The following HOMER2 variants were observed in gnomAD, a reference collection of about 807,000 sequenced individuals.
The protein encoded by HOMER2 is homer scaffold protein 2.
A neutral mutation model predicts 47.0 loss-of-function variants in HOMER2; 27 were observed. That is an observed-to-expected ratio of 0.57 (90% CI 0.42 to 0.79). HOMER2 has a LOEUF of 0.79. Ranked by LOEUF, HOMER2 falls within the 30% of genes least tolerant of loss-of-function variation. The pLI is 0.00. For synonymous variants in HOMER2, 161 were observed against 163.8 expected (o/e 0.98, Z 0.13); for missense variants, 443 against 435.0 (o/e 1.02, Z -0.16).
intron 1 of HOMER2, among the ~76,000 whole-genome samples, chr15:82,897,478 A>G (rs892527992): frequency 1.3e-5 from 2 of 151,728 alleles, no homozygotes; most frequent in Admixed American, 6.6e-5. Context: ...ACTCCTGGTG[A>G]CCCCCACCTC....
At chr15:82,932,241 T>G (rs550234054) in intron 1 of HOMER2, among the ~76,000 whole-genome samples, 1 of 152,282 alleles carries the variant, frequency 6.6e-6, no homozygotes, top group African/African-American at 2.4e-5. Context: ...ACGCCTGTAA[T>G]CCCAGCACTT....
chr15:82,959,869 G>A (rs1006247049), intron 1 of HOMER2, among the ~76,000 whole-genome samples: 12 of 152,310 alleles, frequency 7.9e-5, no homozygotes, highest in African/African-American at 1.9e-4. Flanking sequence ...GGAGAAGAAC[G>A]AAGAAATCCA....
At chr15:82,864,331 T>A in intron 3 of HOMER2, 72 bp from the exon 4 acceptor site, 1 of 996,134 alleles carries the variant, frequency 1.0e-6, no homozygotes, top group Non-Finnish European at 1.5e-6. Flanking sequence ...CCCACCTTTA[T>A]TTATTTTGCA....
chr15:82,855,006 T>C (rs2051527133), intron 5 of HOMER2, among the ~76,000 whole-genome samples: 1 of 152,206 alleles, frequency 6.6e-6, no homozygotes, highest in Non-Finnish European at 1.5e-5. Context: ...CATGTCATCC[T>C]GTGGTCTATC....
At chr15:82,873,000 A>T (rs2052227604) in intron 3 of HOMER2, among the ~76,000 whole-genome samples, 1 of 152,180 alleles carries the variant, frequency 6.6e-6, no homozygotes, top group South Asian at 2.1e-4. Flanking sequence ...AGGTGGCAGG[A>T]GGGGCTGTTC....
intron 1 of HOMER2, among the ~76,000 whole-genome samples, chr15:82,932,826 C>T (rs2054046045): frequency 6.6e-6 from 1 of 152,170 alleles, no homozygotes; most frequent in African/African-American, 2.4e-5. Context: ...CACAGGCCTT[C>T]TCCTCCTGCC....
At chr15:82,981,071 T>C (rs1351771228) in intron 1 of HOMER2, among the ~76,000 whole-genome samples, 1 of 151,466 alleles carries the variant, frequency 6.6e-6, no homozygotes, top group Non-Finnish European at 1.5e-5. Context: ...AGACGGAGAG[T>C]TGAAAACAGA....
chr15:82,935,031 G>A (rs975344597), intron 1 of HOMER2, among the ~76,000 whole-genome samples: 2 of 151,862 alleles, frequency 1.3e-5, no homozygotes, highest in Admixed American at 6.6e-5. Flanking sequence ...CCTTCCCTGG[G>A]GCTCTGAACC....
At chr15:82,982,271 T>C (rs1447479064) in intron 1 of HOMER2, among the ~76,000 whole-genome samples, 5 of 152,312 alleles carry the variant, frequency 3.3e-5, no homozygotes, top group South Asian at 4.1e-4. Context: ...CCATCAAAAA[T>C]GGTTTCAATA....
intron 1 of HOMER2, among the ~76,000 whole-genome samples, chr15:82,946,363 G>C (rs1435731469): frequency 6.6e-6 from 1 of 152,184 alleles, no homozygotes; most frequent in Non-Finnish European, 1.5e-5. Flanking sequence ...CCCAAAGACT[G>C]GTCTGGCCAT....
intron 1 of HOMER2, 67 bp from the exon 2 acceptor site, chr15:82,892,908 GC>G: frequency 8.1e-7 from 1 of 1,238,130 alleles, no homozygotes; most frequent in Non-Finnish European, 1.1e-6. Flanking sequence ...TGATTTCTAG[GC>G]CACCTACTGC....
chr15:82,890,702 G>C (rs2151094234), intron 2 of HOMER2, among the ~76,000 whole-genome samples: 1 of 152,316 alleles, frequency 6.6e-6, no homozygotes. Flanking sequence ...CTTGCTCTAA[G>C]AAAGTCGTTT....
chr15:82,930,917 T>C (rs2053990434), intron 1 of HOMER2, among the ~76,000 whole-genome samples: 1 of 150,284 alleles, frequency 6.7e-6, no homozygotes, highest in African/African-American at 2.5e-5. Flanking sequence ...TCCCAGCTAC[T>C]TGGGGGGGCT....
intron 1 of HOMER2, among the ~76,000 whole-genome samples, chr15:82,919,709 C>G (rs889545017): frequency 6.6e-6 from 1 of 152,136 alleles, no homozygotes; most frequent in Admixed American, 6.5e-5. Flanking sequence ...AAATATTGTT[C>G]CCTGCAGAGG....
chr15:82,855,209 T>C (rs1020501757), intron 5 of HOMER2, among the ~76,000 whole-genome samples: 6 of 149,454 alleles, frequency 4.0e-5, no homozygotes, highest in African/African-American at 1.5e-4. Flanking sequence ...GCCTGCAGTC[T>C]CAGCTACTCA....
chr15:82,928,626 A>G (rs1230151650), intron 1 of HOMER2, among the ~76,000 whole-genome samples: 4 of 152,164 alleles, frequency 2.6e-5, no homozygotes, highest in Non-Finnish European at 5.9e-5. Flanking sequence ...TTCGTTATTC[A>G]CTAGGTTAGT....
intron 2 of HOMER2, among the ~76,000 whole-genome samples, chr15:82,878,961 CCCTGATT>C (rs1369299394): frequency 1.3e-5 from 2 of 152,144 alleles, no homozygotes; most frequent in African/African-American, 4.8e-5. Flanking sequence ...AATTATTTTT[CCCTGATT>C]CTTGGTACTC....
chr15:82,944,263 G>A lies in HOMER2; in HGVS notation c.5+8268C>T, dbSNP rs757273463. Among the ~76,000 whole-genome samples, 132 of 152,174 alleles carry A rather than the reference G, an allele frequency of 8.7e-4. 1 individual carries two copies. Among genetic ancestry groups the A allele is most frequent in the Non-Finnish European group, 1.6e-3 (107 of 67,996 alleles). ...GTTCTTCCCACACAAAACGCACCCC[G>A]CTAGGAAACTGGATCATGATGCCAG... is the stretch of plus-strand genomic sequence containing the variant. On this transcript the variant is annotated intron_variant, in intron 1 of 8. Coordinates refer to ENST00000450735, the MANE Select transcript of HOMER2 (RefSeq NM_004839.4).
At chr15:82,874,357 C>T (rs2052275315) in intron 3 of HOMER2, among the ~76,000 whole-genome samples, 1 of 152,226 alleles carries the variant, frequency 6.6e-6, no homozygotes, top group Non-Finnish European at 1.5e-5. Context: ...GTAAACTAGT[C>T]AGTCTTACCT....
Sources: gnomAD v4.1 joint callset for allele counts (sites outside exome capture counted in the v4.1 genomes callset) on GRCh38, gnomAD v4.1.1 for gene constraint, MANE v1.5 for transcripts, NCBI Gene and HGNC (gene_info 2026-07-23, HGNC 2026-07-21) for gene names.